PCDHA11: variants seen among roughly 807,000 people sequenced by gnomAD.
PCDHA11 encodes protocadherin alpha 11.
A neutral mutation model predicts 70.3 loss-of-function variants in PCDHA11; 61 were observed. That is an observed-to-expected ratio of 0.87 (90% CI 0.71 to 1.07). PCDHA11 has a LOEUF of 1.07. Ranked by LOEUF, PCDHA11 falls within the 50% of genes least tolerant of loss-of-function variation. The pLI is 0.00. For synonymous variants in PCDHA11, 633 were observed against 555.1 expected (o/e 1.14, Z -1.97); for missense variants, 1,324 against 1,237.5 (o/e 1.07, Z -1.05).
chr5:140,972,287 G>T (rs2096528818), intron 1 of PCDHA11, among the ~76,000 whole-genome samples: 1 of 151,036 alleles, frequency 6.6e-6, no homozygotes, highest in Non-Finnish European at 1.5e-5. Flanking sequence ...CCATAGATGT[G>T]CGCCACCGTG....
At chr5:141,001,384 A>G (rs1554258149) in intron 3 of PCDHA11, among the ~76,000 whole-genome samples, 1 of 152,204 alleles carries the variant, frequency 6.6e-6, no homozygotes, top group African/African-American at 2.4e-5. Context: ...AGAGCCTAAG[A>G]TCCTACAGAG....
At chr5:141,004,168 C>T (rs2098156227) in intron 3 of PCDHA11, among the ~76,000 whole-genome samples, 1 of 152,226 alleles carries the variant, frequency 6.6e-6, no homozygotes, top group Admixed American at 6.5e-5. Context: ...GCAAAGCCAG[C>T]CAAGTGTCTT....
chr5:140,920,728 C>T (rs781955762), intron 1 of PCDHA11, among the ~76,000 whole-genome samples: 8 of 151,974 alleles, frequency 5.3e-5, no homozygotes, highest in Non-Finnish European at 1.0e-4. Context: ...CCTGCAGTCC[C>T]AGCTACTCAG....
chr5:140,960,713 ATCTTATTTTAGT>A (rs2095563566), intron 1 of PCDHA11, among the ~76,000 whole-genome samples: 3 of 150,862 alleles, frequency 2.0e-5, no homozygotes, highest in Non-Finnish European at 4.4e-5. Flanking sequence ...CCAAATACTC[ATCTTATTTTAGT>A]CCATGATTTT....
intron 1 of PCDHA11, among the ~76,000 whole-genome samples, chr5:140,923,099 G>A (rs1164124655): frequency 6.6e-6 from 1 of 152,168 alleles, no homozygotes; most frequent in Non-Finnish European, 1.5e-5. Flanking sequence ...ACCAATGGGA[G>A]TATGATTTTA....
In PCDHA11 at chr5:140,925,899, G is replaced by T. The variant is rs149135478; in HGVS notation, c.2392-53050G>T. ...TATAACCTCCTCTTTCACCCAGATC[G>T]TCAAGGGCCGTTTGCAAAGCACTCC... is the stretch of plus-strand genomic sequence containing the variant. On this transcript the variant is annotated intron_variant, in intron 1 of 3. Transcript: ENST00000398640. Among the ~76,000 whole-genome samples, 277 of 151,958 alleles carry T rather than the reference G, an allele frequency of 1.8e-3. 3 individuals carry two copies. The highest frequency in any genetic ancestry group is 6.4e-3 in the African/African-American group (264 of 41,382).
chr5:140,913,462 G>A (rs1300773586), intron 1 of PCDHA11, among the ~76,000 whole-genome samples: 1 of 151,764 alleles, frequency 6.6e-6, no homozygotes, highest in African/African-American at 2.4e-5. Context: ...TTATTTACTT[G>A]GGTCTTCTCT....
At chr5:140,963,517 T>C (rs2095769422) in intron 1 of PCDHA11, among the ~76,000 whole-genome samples, 1 of 152,238 alleles carries the variant, frequency 6.6e-6, no homozygotes, top group East Asian at 1.9e-4. Flanking sequence ...GGGGTTCTCA[T>C]AACAGAAGTC....
At chr5:140,880,857 A>G (rs1296520788) in intron 1 of PCDHA11, among the ~76,000 whole-genome samples, 1 of 152,234 alleles carries the variant, frequency 6.6e-6, no homozygotes, top group African/African-American at 2.4e-5. Flanking sequence ...ATGTAGTCTA[A>G]TTATGTGAAG....
At chr5:140,877,738 C>G (rs539793128) in intron 1 of PCDHA11, 1 of 1,614,164 alleles carries the variant, frequency 6.2e-7, no homozygotes, top group African/African-American at 1.3e-5. Flanking sequence ...GCAGAGGAGG[C>G]AGAGGGTGTG....
At chr5:140,913,317 TTGTA>T (rs1269286947) in intron 1 of PCDHA11, among the ~76,000 whole-genome samples, 2 of 152,152 alleles carry the variant, frequency 1.3e-5, no homozygotes, top group African/African-American at 4.8e-5. Flanking sequence ...CCTTGGTAAG[TTGTA>T]TGTGTCTAGG....
At chr5:140,931,574 C>A (rs1311706898) in intron 1 of PCDHA11, among the ~76,000 whole-genome samples, 1 of 152,024 alleles carries the variant, frequency 6.6e-6, no homozygotes, top group Non-Finnish European at 1.5e-5. Flanking sequence ...CCATCCCATT[C>A]ATTCAGTTGA....
chr5:140,906,999 G>T lies in PCDHA11; in HGVS notation c.2391+35505G>T, dbSNP rs187849442. Among the ~76,000 whole-genome samples the T allele has an allele frequency of 8.0e-3, 1,219 of 152,202 alleles. 6 individuals are homozygous for T. The highest frequency in any genetic ancestry group is 0.019 in the African/African-American group (787 of 41,528). On this transcript the variant is annotated intron_variant, in intron 1 of 3. Coordinates refer to ENST00000398640, the MANE Select transcript of PCDHA11 (RefSeq NM_018902.5). Reference sequence around the variant, plus strand: ...TTCTGGTGGCAGCATTCCTCCCTCTGGAACTAAGACCTCTAGGCCAGCAGA... The same window carrying T: ...TTCTGGTGGCAGCATTCCTCCCTCTTGAACTAAGACCTCTAGGCCAGCAGA...
intron 1 of PCDHA11, among the ~76,000 whole-genome samples, chr5:140,937,106 C>G (rs2091337574): frequency 6.7e-6 from 1 of 149,110 alleles, no homozygotes; most frequent in African/African-American, 2.5e-5. Context: ...GGCGCAGTCT[C>G]GGCTCACTGC....
intron 3 of PCDHA11, 71 bp from the exon 4 acceptor site, chr5:141,009,556 A>T: frequency 6.4e-7 from 1 of 1,564,868 alleles, no homozygotes; most frequent in Non-Finnish European, 8.7e-7. Flanking sequence ...GTACTCCTGT[A>T]CTCTACCAGC....
Position 140,870,956 on chromosome 5 carries a change from G to T in PCDHA11, c.1853G>T (p.Arg618Leu), listed in dbSNP as rs1554164932. The T allele has an allele frequency of 1.2e-6, 2 of 1,613,520 alleles. No individual in the cohort carries two copies. Among genetic ancestry groups the T allele is most frequent in the East Asian group, 2.2e-5 (1 of 44,886 alleles). Residue 618 changes from arginine (R) to leucine (L), a missense_variant, in exon 1 of 4, where the codon CGC (arginine) becomes CTC (leucine). By Grantham distance (102) the Arg-to-Leu change is moderately radical (BLOSUM62 -2). Coordinates refer to ENST00000398640, the MANE Select transcript of PCDHA11 (RefSeq NM_018902.5). Reference protein sequence around the residue: ...YELQPAAGGSRIPFRVGLYTG... With the variant: ...YELQPAAGGSLIPFRVGLYTG... ...TTGCAGCCGGCGGCGGGCGGCTCGC[G>T]CATCCCGTTCCGCGTGGGGCTGTAC...
intron 1 of PCDHA11, among the ~76,000 whole-genome samples, chr5:140,943,500 G>T (rs907493905): frequency 6.6e-6 from 1 of 152,048 alleles, no homozygotes; most frequent in Non-Finnish European, 1.5e-5. Flanking sequence ...TGCTATCAAG[G>T]TTCATGGAAA....
At chr5:140,959,343 C>T (rs1370310453) in intron 1 of PCDHA11, among the ~76,000 whole-genome samples, 1 of 152,052 alleles carries the variant, frequency 6.6e-6, no homozygotes, top group Admixed American at 6.6e-5. Context: ...CTACTGCACT[C>T]CAGCGGGACA....
At chr5:140,976,338 G>A (rs1554237535) in intron 1 of PCDHA11, among the ~76,000 whole-genome samples, 1 of 152,018 alleles carries the variant, frequency 6.6e-6, no homozygotes, top group Non-Finnish European at 1.5e-5. Flanking sequence ...ATTGCCTGAG[G>A]TCAGGTGTTC....
Sources: allele counts gnomAD v4.1 joint callset (sites outside exome capture counted in the v4.1 genomes callset), GRCh38; gene constraint gnomAD v4.1.1; transcripts MANE v1.5; gene names NCBI Gene and HGNC (gene_info 2026-07-23, HGNC 2026-07-21).